CADM2: variants seen among roughly 807,000 people sequenced by gnomAD.
CADM2 encodes cell adhesion molecule 2.
Under a neutral mutation model 49.8 loss-of-function variants are expected in CADM2, and 12 were observed. The ratio of observed to expected loss-of-function variants is 0.24; its 90% CI spans 0.15 to 0.39. The LOEUF (loss-of-function observed/expected upper bound fraction) is 0.39, where lower values mean the gene tolerates loss of function less well. Ranked by LOEUF, CADM2 falls within the 10% of genes least tolerant of loss-of-function variation. The pLI is 1.00. For missense variants in CADM2, 378 were observed against 492.3 expected (o/e 0.77, Z 2.20); for synonymous variants, 214 against 175.4 (o/e 1.22, Z -1.74).
chr3:85,895,950 C>CT (rs1480055324), intron 5 of CADM2, among the ~76,000 whole-genome samples: 2 of 152,064 alleles, frequency 1.3e-5, no homozygotes, highest in African/African-American at 4.8e-5. Flanking sequence ...TTGGGGGTGT[C>CT]TTTATTAGTA....
intron 1 of CADM2, among the ~76,000 whole-genome samples, chr3:85,713,072 T>G (rs1160309901): frequency 1.3e-5 from 2 of 152,106 alleles, no homozygotes; most frequent in Admixed American, 1.3e-4. Context: ...AACCTGTAAT[T>G]TATCTCTTAA....
chr3:85,705,542 G>A lies in CADM2; in HGVS notation c.62-20980G>A, dbSNP rs571987306. Among the ~76,000 whole-genome samples the A allele has an allele frequency of 1.4e-4, 21 of 152,302 alleles. No individual in the cohort carries two copies. In the South Asian group the frequency reaches 4.1e-3, roughly 30 times the overall value. ...TTTAATAAAAGTATGTAGATCATCTGTTGAGAATGTATTCCTGCAAATCTA... is the reference window on the plus strand; with the variant it reads ...TTTAATAAAAGTATGTAGATCATCTATTGAGAATGTATTCCTGCAAATCTA... On this transcript the variant is annotated intron_variant, in intron 1 of 9. Coordinates refer to ENST00000383699, the MANE Select transcript of CADM2 (RefSeq NM_001167675.2).
At position 86,067,240 on chromosome 3, in the gene CADM2, G is replaced by T. The variant is rs1176107266; in HGVS notation, c.*457G>T. ...ATTTAAGAATAAGTGAAGGTTAGAG[G>T]TTTACAATTAATGTTTTCTACATGT... On this transcript the variant is annotated 3_prime_UTR_variant, in exon 10 of 10. Transcript: ENST00000383699. 1 of 153,212 alleles carries T rather than the reference G, an allele frequency of 6.5e-6. No homozygotes were observed. Among genetic ancestry groups the T allele is most frequent in the Non-Finnish European group, 1.5e-5 (1 of 68,658 alleles). The allele number at this position is 153,212 out of a possible 1,614,324, so 9.5% of individuals were successfully genotyped here. A position where few individuals can be genotyped will look rare whatever the true frequency, so the allele number is the denominator to read the frequency against.
Position 85,762,880 on chromosome 3 carries a change from A to C in CADM2, c.88+36332A>C, listed in dbSNP as rs137951754. ...TATGGACAAATTTAGATATAAATTT[A>C]GATTTGGACAAATTTAGTTTATTCA... On this transcript the variant is annotated intron_variant, in intron 2 of 9. Transcript: ENST00000383699. Among the ~76,000 whole-genome samples the C allele has an allele frequency of 4.3e-3, 648 of 151,870 alleles. 2 individuals carry two copies. Among genetic ancestry groups the C allele is most frequent in the Middle Eastern group, 6.9e-3 (2 of 288 alleles).
At chr3:85,931,400 ACCCCTGCAATCCAG>A (rs1380231038) in intron 6 of CADM2, among the ~76,000 whole-genome samples, 1 of 152,086 alleles carries the variant, frequency 6.6e-6, no homozygotes, top group Non-Finnish European at 1.5e-5. Context: ...CTGTGATCAC[ACCCCTGCAATCCAG>A]CCTCGGGGAC....
chr3:85,995,722 A>T (rs1026965485), intron 8 of CADM2, among the ~76,000 whole-genome samples: 2 of 152,186 alleles, frequency 1.3e-5, no homozygotes, highest in Non-Finnish European at 2.9e-5. Context: ...GAAAGTCTTC[A>T]GTTGATATAT....
At position 85,917,508 on chromosome 3, in the gene CADM2, T is replaced by C. The variant is rs570043351; in HGVS notation, c.700+4965T>C. Among the ~76,000 whole-genome samples the C allele has an allele frequency of 2.6e-3, 398 of 152,268 alleles. 1 individual carries two copies. The highest frequency in any genetic ancestry group is 9.2e-3 in the African/African-American group (384 of 41,550). The stretch of plus-strand genomic sequence containing the variant: ...TGCAGCATTATTTCTGAGGGCTCTG[T>C]TCTGTTCCATTGGCCTATATCTCTG... On this transcript the variant is annotated intron_variant, in intron 6 of 9. Coordinates refer to ENST00000383699, the MANE Select transcript of CADM2 (RefSeq NM_001167675.2).
At chr3:85,760,402 G>A (rs532990965) in intron 2 of CADM2, among the ~76,000 whole-genome samples, 55 of 149,444 alleles carry the variant, frequency 3.7e-4, no homozygotes, top group African/African-American at 1.3e-3. Flanking sequence ...TTATCCTTTT[G>A]TACGTTGATG....
At chr3:85,591,460 T>G (rs1171970805) in intron 1 of CADM2, among the ~76,000 whole-genome samples, 1 of 152,028 alleles carries the variant, frequency 6.6e-6, no homozygotes, top group Non-Finnish European at 1.5e-5. Flanking sequence ...GTTTATTTTT[T>G]GCAGATTTAT....
At chr3:85,757,066 T>C (rs1559636183) in intron 2 of CADM2, among the ~76,000 whole-genome samples, 1 of 152,152 alleles carries the variant, frequency 6.6e-6, no homozygotes, top group Non-Finnish European at 1.5e-5. Context: ...ATTGGCTGTT[T>C]ATGGCTTTAT....
chr3:85,319,964 A>G (rs923350290), intron 1 of CADM2, among the ~76,000 whole-genome samples: 2 of 152,200 alleles, frequency 1.3e-5, no homozygotes, highest in Non-Finnish European at 2.9e-5. Context: ...TCAGTCCCCT[A>G]AAGTAGGTAT....
chr3:85,858,972 T>C (rs930905362), intron 3 of CADM2, among the ~76,000 whole-genome samples: 18 of 152,188 alleles, frequency 1.2e-4, no homozygotes, highest in Admixed American at 1.0e-3. Flanking sequence ...GTGTGAGCTA[T>C]AATTTTTAAT....
At chr3:86,011,987 TAAG>T (rs1485939594) in intron 8 of CADM2, among the ~76,000 whole-genome samples, 5 of 152,036 alleles carry the variant, frequency 3.3e-5, no homozygotes, top group Admixed American at 6.6e-5. Flanking sequence ...TGGATACTAT[TAAG>T]AAGATTCATT....
At chr3:85,126,617 C>G (rs993228564) in intron 1 of CADM2, among the ~76,000 whole-genome samples, 1 of 151,992 alleles carries the variant, frequency 6.6e-6, no homozygotes, top group Non-Finnish European at 1.5e-5. Context: ...TTAACCATAT[C>G]TGGCATTCAG....
At chr3:85,718,515 C>T (rs2067377829) in intron 1 of CADM2, among the ~76,000 whole-genome samples, 1 of 151,856 alleles carries the variant, frequency 6.6e-6, no homozygotes, top group Non-Finnish European at 1.5e-5. Flanking sequence ...CATAATCTTA[C>T]AAGGAAATTG....
intron 1 of CADM2, among the ~76,000 whole-genome samples, chr3:85,185,770 A>G (rs1441576065): frequency 6.6e-6 from 1 of 152,304 alleles, no homozygotes; most frequent in South Asian, 2.1e-4. Context: ...AAGGACCTTT[A>G]AAATAAAAGT....
At chr3:85,036,189 T>A (rs555279374) in intron 1 of CADM2, among the ~76,000 whole-genome samples, 29 of 152,294 alleles carry the variant, frequency 1.9e-4, no homozygotes, top group Admixed American at 5.2e-4. Context: ...TGATTCTGAG[T>A]ATTTCCTTCT....
At chr3:85,814,495 G>T (rs961574767) in intron 3 of CADM2, among the ~76,000 whole-genome samples, 1 of 152,006 alleles carries the variant, frequency 6.6e-6, no homozygotes, top group Admixed American at 6.6e-5. Context: ...TCAAAAACTA[G>T]CAGAAGACAA....
At position 85,726,591 on chromosome 3, in the gene CADM2, T is replaced by C. The variant is rs376268087; in HGVS notation, c.88+43T>C. On this transcript the variant is annotated intron_variant, in intron 2 of 9. Coordinates refer to ENST00000383699, the MANE Select transcript of CADM2 (RefSeq NM_001167675.2). ...CTGCATGAGTCATCATCATTCATTT[T>C]TCTGCTCAATCTTCTAAGTTCTCTT... is the stretch of plus-strand genomic sequence containing the variant. 9.3e-5 allele frequency: 139 copies of C among 1,495,258 alleles called. 1 individual carries two copies. In the African/African-American group the frequency reaches 1.8e-3, roughly 19 times the overall value. The allele number at this position is 1,495,258 out of a possible 1,614,324, so 92.6% of individuals were successfully genotyped here.
Sources: gnomAD v4.1 joint callset for allele counts (sites outside exome capture counted in the v4.1 genomes callset) on GRCh38, gnomAD v4.1.1 for gene constraint, MANE v1.5 for transcripts, NCBI Gene and HGNC (gene_info 2026-07-23, HGNC 2026-07-21) for gene names.